The following ZNF804A variants were observed in gnomAD, a reference collection of about 807,000 sequenced individuals.
ZNF804A encodes the protein zinc finger protein 804A.
Under a neutral mutation model 16.5 loss-of-function variants are expected in ZNF804A, and 2 were observed. The ratio of observed to expected loss-of-function variants is 0.12; its 90% confidence interval spans 0.05 to 0.38. ZNF804A has a LOEUF of 0.38. Among genes scored for constraint, ZNF804A ranks in the 10% least tolerant of loss-of-function variants. The pLI is 0.99. For synonymous variants in ZNF804A, 534 were observed against 489.6 expected (o/e 1.09, Z -1.20); for missense variants, 1,473 against 1,390.7 (o/e 1.06, Z -0.94).
chr2:184,828,102 A>T (rs561613500), intron 1 of ZNF804A, among the ~76,000 whole-genome samples: 1 of 151,874 alleles, frequency 6.6e-6, no homozygotes, highest in African/African-American at 2.4e-5. Context: ...AAATAATTTT[A>T]TGGAAGATAC....
chr2:184,750,650 C>T (rs1281068744), intron 1 of ZNF804A, among the ~76,000 whole-genome samples: 1 of 151,332 alleles, frequency 6.6e-6, no homozygotes, highest in Non-Finnish European at 1.5e-5. Flanking sequence ...AAGTTTTCTC[C>T]CATCTTCTTT....
chr2:184,785,579 A>G (rs1243501993), intron 1 of ZNF804A, among the ~76,000 whole-genome samples: 1 of 152,044 alleles, frequency 6.6e-6, no homozygotes, highest in African/African-American at 2.4e-5. Context: ...GCCTTGCTAC[A>G]TAGAAGTCAT....
intron 1 of ZNF804A, among the ~76,000 whole-genome samples, chr2:184,838,912 GTTAGAAAACTGAATGATAATAC>G (rs939438005): frequency 1.3e-5 from 2 of 152,042 alleles, no homozygotes. Context: ...TTTTCTCTGT[GTTAGAAAACTGAATGATAATAC>G]TTTATCCATT....
intron 1 of ZNF804A, among the ~76,000 whole-genome samples, chr2:184,650,334 C>T (rs1287171544): frequency 1.3e-5 from 2 of 152,080 alleles, no homozygotes; most frequent in African/African-American, 4.8e-5. Flanking sequence ...CCATCTATGA[C>T]AAACCTGTAG....
At chr2:184,825,779 G>A (rs1029755762) in intron 1 of ZNF804A, among the ~76,000 whole-genome samples, 2 of 152,034 alleles carry the variant, frequency 1.3e-5, no homozygotes, top group African/African-American at 4.8e-5. Flanking sequence ...ATAAATTAAT[G>A]AATGGAATAT....
At chr2:184,913,856 C>T (rs1685406311) in intron 2 of ZNF804A, among the ~76,000 whole-genome samples, 1 of 152,148 alleles carries the variant, frequency 6.6e-6, no homozygotes, top group Admixed American at 6.6e-5. Context: ...TCTAGATTCT[C>T]AGGTCACATT....
At chr2:184,798,295 G>T (rs979002102) in intron 1 of ZNF804A, among the ~76,000 whole-genome samples, 1 of 151,644 alleles carries the variant, frequency 6.6e-6, no homozygotes, top group Non-Finnish European at 1.5e-5. Flanking sequence ...CTCTAGCAAG[G>T]CCAGGGATAT....
chr2:184,924,879 T>C (rs555991463), intron 2 of ZNF804A, among the ~76,000 whole-genome samples: 1 of 152,114 alleles, frequency 6.6e-6, no homozygotes, highest in African/African-American at 2.4e-5. Context: ...GATTTCTGGT[T>C]TTATTCCATT....
At chr2:184,865,538 C>T (rs1574247641) in intron 1 of ZNF804A, among the ~76,000 whole-genome samples, 1 of 152,058 alleles carries the variant, frequency 6.6e-6, no homozygotes, top group East Asian at 1.9e-4. Flanking sequence ...GTGACACTTA[C>T]TTCATTGACA....
In ZNF804A at chr2:184,804,329, C is replaced by T. The variant is rs140911474; in HGVS notation, c.112-62040C>T. On this transcript the variant is annotated intron_variant, in intron 1 of 3. Transcript: ENST00000302277. ...GGATAGGCATGTCTTTTGAAGAGGCCACTATTAAACCAACCAGAGACAGTA... is the reference window on the plus strand; with the variant it reads ...GGATAGGCATGTCTTTTGAAGAGGCTACTATTAAACCAACCAGAGACAGTA... 1.0e-2 allele frequency among the ~76,000 whole-genome samples: 1,514 copies of T among 152,136 alleles called. 95 individuals carry two copies. The highest frequency in any genetic ancestry group is 0.085 in the Admixed American group (1,297 of 15,256).
chr2:184,663,128 A>G (rs188582859), intron 1 of ZNF804A, among the ~76,000 whole-genome samples: 38 of 152,296 alleles, frequency 2.5e-4, no homozygotes, highest in African/African-American at 8.9e-4. Flanking sequence ...AACAGGCAGG[A>G]GGCCTGCTGT....
At chr2:184,662,904 C>T (rs7581009) in intron 1 of ZNF804A, among the ~76,000 whole-genome samples, 131,327 of 152,250 alleles carry the variant, frequency 0.86, 56,997 homozygotes, top group African/African-American at 0.91. Context: ...GTTAATCATA[C>T]AGTATCTGAA....
chr2:184,790,049 T>A (rs974683134), intron 1 of ZNF804A, among the ~76,000 whole-genome samples: 1 of 152,062 alleles, frequency 6.6e-6, no homozygotes. Context: ...TTTTAAAATA[T>A]TTTTTATTTC....
intron 2 of ZNF804A, among the ~76,000 whole-genome samples, chr2:184,929,589 A>G (rs1685664190): frequency 6.6e-6 from 1 of 152,100 alleles, no homozygotes; most frequent in South Asian, 2.1e-4. Context: ...TGTTGACTAG[A>G]GCTTTTCTAA....
chr2:184,784,445 T>A (rs1225182120), intron 1 of ZNF804A, among the ~76,000 whole-genome samples: 1 of 152,004 alleles, frequency 6.6e-6, no homozygotes, highest in Non-Finnish European at 1.5e-5. Flanking sequence ...ATACAGTTTA[T>A]TCTTCATTTT....
At chr2:184,682,106 C>T (rs958661233) in intron 1 of ZNF804A, among the ~76,000 whole-genome samples, 2 of 152,156 alleles carry the variant, frequency 1.3e-5, no homozygotes, top group African/African-American at 4.8e-5. Flanking sequence ...TTCGCATGGG[C>T]CTGCAGTCAG....
intron 1 of ZNF804A, among the ~76,000 whole-genome samples, chr2:184,756,041 C>T (rs1241486005): frequency 6.6e-6 from 1 of 151,874 alleles, no homozygotes; most frequent in Admixed American, 6.6e-5. Context: ...TGTATGAACA[C>T]AAGTAAATAT....
intron 1 of ZNF804A, among the ~76,000 whole-genome samples, chr2:184,781,223 T>C (rs1261697146): frequency 1.3e-5 from 2 of 151,778 alleles, no homozygotes; most frequent in East Asian, 3.9e-4. Context: ...CAAATTTATC[T>C]TAGTAATTTG....
At chr2:184,732,339 T>C (rs1427114463) in intron 1 of ZNF804A, among the ~76,000 whole-genome samples, 2 of 152,144 alleles carry the variant, frequency 1.3e-5, no homozygotes, top group Non-Finnish European at 2.9e-5. Context: ...TTTTCTCTTT[T>C]GCTAAAAATT....
Sources: gnomAD v4.1 joint callset for allele counts (sites outside exome capture counted in the v4.1 genomes callset) on GRCh38, gnomAD v4.1.1 for gene constraint, MANE v1.5 for transcripts, NCBI Gene and HGNC (gene_info 2026-07-23, HGNC 2026-07-21) for gene names.